The following MINDY3 variants were observed in gnomAD, a reference collection of about 807,000 sequenced individuals.
MINDY3 encodes the protein MINDY lysine 48 deubiquitinase 3.
A neutral mutation model predicts 69.2 loss-of-function variants in MINDY3; 38 were observed. That is an observed-to-expected ratio of 0.55 (90% CI 0.42 to 0.72). The LOEUF (loss-of-function observed/expected upper bound fraction) is 0.72. Ranked by LOEUF, MINDY3 falls within the 30% of genes least tolerant of loss-of-function variation. MINDY3 has a pLI of 0.00. For synonymous variants in MINDY3, 192 were observed against 180.1 expected (o/e 1.07, Z -0.53); for missense variants, 522 against 519.0 (o/e 1.01, Z -0.06).
Position 15,836,211 on chromosome 10 carries a change from CT to C in MINDY3, c.576+992del, listed in dbSNP as rs557836420. 7.7e-4 allele frequency among the ~76,000 whole-genome samples: 117 copies of C among 152,134 alleles called. 1 individual carries two copies. Among genetic ancestry groups the C allele is most frequent in the African/African-American group, 2.7e-3 (112 of 41,546 alleles). On this transcript the variant is annotated intron_variant, in intron 6 of 14. Coordinates refer to ENST00000277632, the MANE Select transcript of MINDY3 (RefSeq NM_024948.4). ...TGCATTATACCCTCAATCCCTTACA[CT>C]TTTATACTTGCAGTGCCCACTGCTG...
At chr10:15,832,185 T>C (rs749433442) in intron 8 of MINDY3, among the ~76,000 whole-genome samples, 3 of 151,974 alleles carry the variant, frequency 2.0e-5, no homozygotes, top group Non-Finnish European at 4.4e-5. Flanking sequence ...GAGAGAGTGA[T>C]GCGCTAAAGA....
At chr10:15,839,450 A>C (rs1179274581) in intron 4 of MINDY3, among the ~76,000 whole-genome samples, 1 of 151,720 alleles carries the variant, frequency 6.6e-6, no homozygotes, top group African/African-American at 2.4e-5. Flanking sequence ...AGGGGAAAAC[A>C]CTTTACATTA....
chr10:15,806,711 G>A (rs893531647), intron 10 of MINDY3, among the ~76,000 whole-genome samples: 5 of 152,128 alleles, frequency 3.3e-5, no homozygotes, highest in Admixed American at 6.6e-5. Flanking sequence ...ACAGCTGATC[G>A]TCAACCTTTG....
At chr10:15,851,892 T>G (rs919489913) in intron 1 of MINDY3, among the ~76,000 whole-genome samples, 8 of 152,186 alleles carry the variant, frequency 5.3e-5, no homozygotes, top group Non-Finnish European at 1.0e-4. Flanking sequence ...TCCAGCTGAC[T>G]CTGTTTACAC....
intron 10 of MINDY3, among the ~76,000 whole-genome samples, chr10:15,799,292 C>T (rs1032394222): frequency 6.6e-6 from 1 of 152,038 alleles, no homozygotes; most frequent in African/African-American, 2.4e-5. Flanking sequence ...CTCCACCTCC[C>T]AGGTTCAAGC....
At chr10:15,797,640 G>A (rs1412855887) in intron 10 of MINDY3, among the ~76,000 whole-genome samples, 1 of 152,038 alleles carries the variant, frequency 6.6e-6, no homozygotes, top group Non-Finnish European at 1.5e-5. Context: ...AGAGTGGGAT[G>A]GCTGGGTCAA....
chr10:15,817,495 G>A (rs1040828855), intron 9 of MINDY3: 1 of 152,070 alleles, frequency 6.6e-6, no homozygotes, highest in Non-Finnish European at 1.5e-5. Flanking sequence ...ATAAAAAGCT[G>A]TATTTGTACT....
chr10:15,858,127 AGGACCC>A (rs1209645425), intron 1 of MINDY3, among the ~76,000 whole-genome samples: 11 of 152,244 alleles, frequency 7.2e-5, no homozygotes, highest in African/African-American at 2.7e-4. Flanking sequence ...AACCAGTAAC[AGGACCC>A]CTCTGATTCA....
At chr10:15,855,548 T>G (rs925354005) in intron 1 of MINDY3, among the ~76,000 whole-genome samples, 38 of 152,224 alleles carry the variant, frequency 2.5e-4, no homozygotes, top group African/African-American at 9.1e-4. Context: ...GTACTACAGA[T>G]CACAGAAAAA....
At chr10:15,809,129 T>G (rs768717057) in intron 10 of MINDY3, among the ~76,000 whole-genome samples, 5 of 152,142 alleles carry the variant, frequency 3.3e-5, no homozygotes, top group African/African-American at 4.8e-5. Context: ...CCAAATAAAT[T>G]ATTCTTAAAA....
At chr10:15,785,366 T>G (rs1384912978) in intron 13 of MINDY3, among the ~76,000 whole-genome samples, 1 of 152,150 alleles carries the variant, frequency 6.6e-6, no homozygotes, top group Non-Finnish European at 1.5e-5. Context: ...AGTAACTGTC[T>G]CACTTTACAT....
chr10:15,851,697 C>G (rs1473868099), intron 1 of MINDY3, among the ~76,000 whole-genome samples: 1 of 152,024 alleles, frequency 6.6e-6, no homozygotes, highest in African/African-American at 2.4e-5. Context: ...AACCACGTCT[C>G]CCTATTCCTT....
intron 1 of MINDY3, among the ~76,000 whole-genome samples, chr10:15,850,743 AC>A (rs2132130461): frequency 6.6e-6 from 1 of 151,988 alleles, no homozygotes; most frequent in South Asian, 2.1e-4. Context: ...CTGTGATCTC[AC>A]TCTGCCCCCA....
At chr10:15,834,822 C>G (rs534157421) in intron 6 of MINDY3, among the ~76,000 whole-genome samples, 42 of 151,972 alleles carry the variant, frequency 2.8e-4, no homozygotes, top group African/African-American at 9.9e-4. Context: ...TTCATGGGCT[C>G]TATATAAACA....
chr10:15,838,195 A>G (rs762747490), intron 5 of MINDY3, 33 bp downstream of exon 5: 2 of 1,588,348 alleles, frequency 1.3e-6, no homozygotes, highest in Non-Finnish European at 1.7e-6. Context: ...GTGTCCACAG[A>G]GTAAGTATTT....
At chr10:15,840,159 T>G (rs1833365199) in intron 4 of MINDY3, among the ~76,000 whole-genome samples, 1 of 151,682 alleles carries the variant, frequency 6.6e-6, no homozygotes, top group African/African-American at 2.4e-5. Flanking sequence ...CTTTCAAAAT[T>G]TTAATATCCT....
chr10:15,788,643 G>GA (rs1298581419), intron 12 of MINDY3, among the ~76,000 whole-genome samples: 1 of 151,912 alleles, frequency 6.6e-6, no homozygotes, highest in Non-Finnish European at 1.5e-5. Flanking sequence ...ATTTTTTCAT[G>GA]GATAATAACT....
At chr10:15,785,383 C>T (rs1487715607) in intron 13 of MINDY3, among the ~76,000 whole-genome samples, 1 of 152,138 alleles carries the variant, frequency 6.6e-6, no homozygotes, top group Non-Finnish European at 1.5e-5. Context: ...ACATTTCTCA[C>T]TTTTCAAAAT....
chr10:15,841,392 G>GA (rs769421224), intron 4 of MINDY3, 34 bp downstream of exon 4: 1 of 1,548,154 alleles, frequency 6.5e-7, no homozygotes, highest in South Asian at 1.2e-5. Context: ...AAAGGAACAA[G>GA]AAAAAAACTT....
Sources: gnomAD v4.1 joint callset for allele counts (sites outside exome capture counted in the v4.1 genomes callset) on GRCh38, gnomAD v4.1.1 for gene constraint, MANE v1.5 for transcripts, NCBI Gene and HGNC (gene_info 2026-07-23, HGNC 2026-07-21) for gene names.